The following SCIMP variants were observed in gnomAD, a reference collection of about 807,000 sequenced individuals.
SCIMP encodes SLP adaptor and CSK interacting membrane protein.
Under a neutral mutation model 22.0 loss-of-function variants are expected in SCIMP, and 18 were observed. The ratio of observed to expected loss-of-function variants is 0.82; its 90% CI spans 0.56 to 1.21. SCIMP has a LOEUF of 1.21. Among genes scored for constraint, SCIMP ranks in the 50% most tolerant of loss-of-function variants. The pLI, the probability that SCIMP is intolerant of heterozygous loss-of-function variation, is 0.00. For synonymous variants in SCIMP, 53 were observed against 62.2 expected (o/e 0.85, Z 0.70); for missense variants, 155 against 171.2 (o/e 0.91, Z 0.53).
At chr17:5,215,985 T>G (rs1022997150) in intron 3 of SCIMP, among the ~76,000 whole-genome samples, 14 of 147,098 alleles carry the variant, frequency 9.5e-5, no homozygotes, top group Non-Finnish European at 1.6e-4. Flanking sequence ...AGCCCAGGGG[T>G]TTAAGGGTAA....
chr17:5,225,475 C>T (rs1050674870), intron 1 of SCIMP, among the ~76,000 whole-genome samples: 13 of 150,226 alleles, frequency 8.7e-5, no homozygotes, highest in Non-Finnish European at 1.6e-4. Context: ...AAAACAAAAG[C>T]AAAGGCTGGG....
At position 5,214,940 on chromosome 17, in the gene SCIMP, A is replaced by C. The variant is rs750256780; in HGVS notation, c.268T>G (p.Ser90Ala). 4.2e-5 allele frequency: 68 copies of C among 1,603,192 alleles called. No individual in the cohort carries two copies. The South Asian group carries it at 7.4e-4, about 17-fold the overall frequency. The change falls in exon 4 of 5, where the codon TCT becomes GCT. Residue 90 changes from serine to alanine, a missense_variant. Transcript: ENST00000574081. ...ATATACTTACAAGAGTCTTCTAGAG[A>C]AGGCCAATTCCTCGGTGGCAGAGGC... is the stretch of plus-strand genomic sequence containing the variant. ...LPPLPPRNWP[S>A]LEDSSPQEAP...
Position 5,209,077 on chromosome 17 carries a change from T to G in SCIMP, c.*1724A>C, listed in dbSNP as rs2074508600. On this transcript the variant is annotated 3_prime_UTR_variant, in exon 5 of 5. Transcript: ENST00000574081. ...CTCTTTGGCTGGTGGGATACCAGAGTCCCATAAGGCCATAGTTAGATAACT... is the reference window on the plus strand; with the variant it reads ...CTCTTTGGCTGGTGGGATACCAGAGGCCCATAAGGCCATAGTTAGATAACT... 1 of 152,134 alleles carries G rather than the reference T, an allele frequency of 6.6e-6. No homozygotes were observed. Among genetic ancestry groups the G allele is most frequent in the African/African-American group, 2.4e-5 (1 of 41,426 alleles). 9.4% of individuals were successfully genotyped at this position (152,134 alleles called of 1,614,324 possible). A position where few individuals can be genotyped will look rare whatever the true frequency, so the allele number is the denominator to read the frequency against.
intron 1 of SCIMP, among the ~76,000 whole-genome samples, chr17:5,231,861 T>C (rs1042725213): frequency 2.6e-5 from 4 of 152,156 alleles, no homozygotes; most frequent in Non-Finnish European, 5.9e-5. Flanking sequence ...AAGACCATCC[T>C]GGCTAACACA....
At position 5,221,334 on chromosome 17, in the gene SCIMP, A is replaced by C. The variant is rs1260103967; in HGVS notation, c.162T>G (p.Ile54Met). Reference protein sequence around the residue: ...WQLRRGKKWEIAKPLKHKQVD... With the variant: ...WQLRRGKKWEMAKPLKHKQVD... ...CTTGCTTGTGTTTCAGGGGCTTGGC[A>C]ATTTCCCATTTCTTGCCTAAGAGGG... The change falls in exon 3 of 5, where the codon ATT becomes ATG. Residue 54 changes from isoleucine to methionine, a missense_variant. Coordinates refer to ENST00000574081, the MANE Select transcript of SCIMP (RefSeq NM_207103.3). 6.2e-7 allele frequency: 1 copy of C among 1,613,464 alleles called. No homozygotes were observed. Among genetic ancestry groups the C allele is most frequent in the Admixed American group, 1.7e-5 (1 of 60,018 alleles).
In SCIMP at chr17:5,231,782, C is replaced by T. The variant is rs575073447; in HGVS notation, c.21+2953G>A. 5.9e-5 allele frequency among the ~76,000 whole-genome samples: 9 copies of T among 152,284 alleles called. No homozygotes were observed. The South Asian group carries it at 6.2e-4, about 11-fold the overall frequency. On this transcript the variant is annotated intron_variant, in intron 1 of 4. Coordinates refer to ENST00000574081, the MANE Select transcript of SCIMP (RefSeq NM_207103.3). ...CAAAACTGGTCATCTTGGCGGGACG[C>T]GGTGGCTCACGCCTGTAATCCCAGC...
chr17:5,234,255 G>A (rs1453166696), intron 1 of SCIMP, among the ~76,000 whole-genome samples: 1 of 152,078 alleles, frequency 6.6e-6, no homozygotes, highest in Non-Finnish European at 1.5e-5. Context: ...TGGGCGACAA[G>A]AGCGAAACTC....
intron 3 of SCIMP, 171 bp from the exon 4 acceptor site, chr17:5,215,169 G>A: frequency 1.8e-6 from 1 of 552,470 alleles, no homozygotes; most frequent in Non-Finnish European, 3.3e-6. Context: ...ATTTGTAATT[G>A]GCACCCTAAT....
chr17:5,228,959 C>T (rs1030638691), intron 1 of SCIMP, among the ~76,000 whole-genome samples: 4 of 152,112 alleles, frequency 2.6e-5, no homozygotes, highest in African/African-American at 9.7e-5. Flanking sequence ...ACTTTGGGTC[C>T]AGTAACTGAA....
chr17:5,214,857 A>G (rs1325990956), intron 4 of SCIMP, 68 bp downstream of exon 4: 13 of 786,458 alleles, frequency 1.7e-5, no homozygotes, highest in Non-Finnish European at 2.7e-5. Flanking sequence ...AAAAAAAAAA[A>G]AAAAAGACAC....
intron 1 of SCIMP, among the ~76,000 whole-genome samples, chr17:5,223,829 C>T (rs1053622904): frequency 6.6e-6 from 1 of 152,172 alleles, no homozygotes; most frequent in Non-Finnish European, 1.5e-5. Flanking sequence ...GGATTACAGA[C>T]ATGAGCCACC....
intron 3 of SCIMP, among the ~76,000 whole-genome samples, chr17:5,218,528 C>T (rs897264339): frequency 6.6e-6 from 1 of 152,114 alleles, no homozygotes; most frequent in Non-Finnish European, 1.5e-5. Flanking sequence ...TTAGTAGAGA[C>T]AGGGTTTCAC....
intron 2 of SCIMP, among the ~76,000 whole-genome samples, chr17:5,222,989 A>G (rs2074619577): frequency 6.6e-6 from 1 of 152,136 alleles, no homozygotes; most frequent in African/African-American, 2.4e-5. Context: ...TATTCCATAT[A>G]CTTGTGTTCT....
At position 5,227,318 on chromosome 17, in the gene SCIMP, C is replaced by CAT. The variant is rs2074657637; in HGVS notation, c.22-3863_22-3862insAT. ...ACACACACACACACACACACACACA[C>CAT]ACACACTCTTACACTTAGCCAGGTG... On this transcript the variant is annotated intron_variant, in intron 1 of 4. Coordinates refer to ENST00000574081, the MANE Select transcript of SCIMP (RefSeq NM_207103.3). 5.3e-5 allele frequency among the ~76,000 whole-genome samples: 8 copies of CAT among 151,900 alleles called. No homozygotes were observed. The South Asian group carries it at 1.7e-3, about 32-fold the overall frequency.
intron 1 of SCIMP, among the ~76,000 whole-genome samples, chr17:5,231,154 G>A (rs62072835): frequency 5.2e-4 from 79 of 152,092 alleles, no homozygotes; most frequent in Non-Finnish European, 9.0e-4. Context: ...GAAGTCAGGA[G>A]TTCGAGACCA....
In SCIMP at chr17:5,212,423, A is replaced by G. The variant is rs914426726; in HGVS notation, c.284-1468T>C. Among the ~76,000 whole-genome samples, 6 of 152,290 alleles carry G rather than the reference A, an allele frequency of 3.9e-5. No individual in the cohort carries two copies. The East Asian group carries it at 1.2e-3, about 29-fold the overall frequency. On this transcript the variant is annotated intron_variant, in intron 4 of 4. Coordinates refer to ENST00000574081, the MANE Select transcript of SCIMP (RefSeq NM_207103.3). ...GCTGAGGTGGGTGGATCACGAGGTCAGGAGATCGAGATCATCCTTGCTAAC... is the reference window on the plus strand; with the variant it reads ...GCTGAGGTGGGTGGATCACGAGGTCGGGAGATCGAGATCATCCTTGCTAAC...
chr17:5,219,971 C>T (rs1282135585), intron 3 of SCIMP, among the ~76,000 whole-genome samples: 1 of 152,194 alleles, frequency 6.6e-6, no homozygotes, highest in African/African-American at 2.4e-5. Flanking sequence ...CTAGACCCCA[C>T]ACTCCATCAC....
At chr17:5,217,514 A>C (rs1001720042) in intron 3 of SCIMP, among the ~76,000 whole-genome samples, 1 of 150,734 alleles carries the variant, frequency 6.6e-6, no homozygotes, top group Non-Finnish European at 1.5e-5. Context: ...TGCACCCATT[A>C]ACTCGTCATT....
intron 4 of SCIMP, chr17:5,213,012 G>GAGGTGGTAACTTCTTTTTTTTTTTTTT: frequency 2.4e-6 from 1 of 415,712 alleles, no homozygotes; most frequent in Non-Finnish European, 3.2e-6. Flanking sequence ...GGGCCTCTTT[G>GAGGTGGTAACTTCTTTTTTTTTTTTTT]AGGTGGTAAC....
Sources: allele counts gnomAD v4.1 joint callset (sites outside exome capture counted in the v4.1 genomes callset), GRCh38; gene constraint gnomAD v4.1.1; transcripts MANE v1.5; gene names NCBI Gene and HGNC (gene_info 2026-07-23, HGNC 2026-07-21).